Variants in CHAF1A observed in about 807,000 individuals in gnomAD.
The protein encoded by CHAF1A is chromatin assembly factor 1 subunit A, also known as CAF-1 subunit A.
In CHAF1A, 5 loss-of-function variants were observed where a neutral mutation model predicts 93.2. That is an observed-to-expected ratio of 0.05 (90% CI 0.03 to 0.11). The LOEUF is 0.11. CHAF1A is among the 10% of genes least tolerant of loss of function. CHAF1A has a pLI of 1.00. For missense variants in CHAF1A, 1,102 were observed against 1,259.9 expected (o/e 0.87, Z 1.90); for synonymous variants, 504 against 510.3 (o/e 0.99, Z 0.17).
intron 13 of CHAF1A, among the ~76,000 whole-genome samples, chr19:4,434,970 C>A (rs908629116): frequency 6.6e-6 from 1 of 152,118 alleles, no homozygotes; most frequent in African/African-American, 2.4e-5. Flanking sequence ...GCCCAGAGAG[C>A]CACTGGCCCC....
In CHAF1A at chr19:4,443,041, A is replaced by G; in HGVS notation, c.*16A>G. Reference sequence around the variant, plus strand: ...TGCATCCTGAGAGCAGGGGTGACGTATGTAGAATGCTTAGGGTGTCCTCCC... The same window carrying G: ...TGCATCCTGAGAGCAGGGGTGACGTGTGTAGAATGCTTAGGGTGTCCTCCC... On this transcript the variant is annotated 3_prime_UTR_variant, in exon 15 of 15. Transcript: ENST00000301280. The G allele has an allele frequency of 6.7e-7, 1 of 1,493,300 alleles. No homozygotes were observed. The highest frequency in any genetic ancestry group is 9.2e-7 in the Non-Finnish European group (1 of 1,086,902). 92.5% of individuals were successfully genotyped at this position (1,493,300 alleles called of 1,614,324 possible).
intron 13 of CHAF1A, among the ~76,000 whole-genome samples, chr19:4,441,823 G>A (rs56253161): frequency 0.024 from 3,628 of 152,216 alleles, 143 homozygotes; most frequent in African/African-American, 0.083. Flanking sequence ...GCGTGAATCC[G>A]GGAGGCGGAG....
intron 11 of CHAF1A, chr19:4,430,861 C>G (rs1412510337): frequency 5.1e-5 from 28 of 546,528 alleles, no homozygotes; most frequent in Non-Finnish European, 9.2e-5. Flanking sequence ...GCGAGGGGAG[C>G]CATAGGAGCA....
intron 13 of CHAF1A, among the ~76,000 whole-genome samples, chr19:4,437,942 T>C (rs376978222): frequency 2.9e-4 from 44 of 152,130 alleles, no homozygotes; most frequent in Middle Eastern, 3.4e-3. Context: ...GGGGTTTCAC[T>C]GTGTTAGCCA....
chr19:4,434,722 G>A (rs1177897761), intron 13 of CHAF1A, among the ~76,000 whole-genome samples: 1 of 151,696 alleles, frequency 6.6e-6, no homozygotes, highest in African/African-American at 2.4e-5. Context: ...TTTGTTCAAC[G>A]GTTCTTGAAT....
chr19:4,446,275 G>A (rs763660126), downstream of CHAF1A: 1 of 1,571,134 alleles, frequency 6.4e-7, no homozygotes, highest in Non-Finnish European at 8.6e-7. Flanking sequence ...GGCATCGTTG[G>A]TGCCCACCCT....
At chr19:4,429,159 C>T (rs994195523) in intron 8 of CHAF1A, 35 of 588,732 alleles carry the variant, frequency 5.9e-5, no homozygotes, top group Non-Finnish European at 9.3e-5. Flanking sequence ...CCCAACACCT[C>T]GCTCTTGCAA....
chr19:4,410,407 G>T (rs1159895599), intron 3 of CHAF1A, among the ~76,000 whole-genome samples: 1 of 134,744 alleles, frequency 7.4e-6, no homozygotes, highest in African/African-American at 2.8e-5. Flanking sequence ...TTTTTTGACA[G>T]AGTCACTCTA....
Position 4,408,424 on chromosome 19 carries a change from C to T in CHAF1A, c.104-479C>T, listed in dbSNP as rs1206735592. Reference sequence around the variant, plus strand: ...AGCCAGGATGGTCTCGATCTCCTGACCTTGTGATCCGCCTGCCTTGGCCTC... The same window carrying T: ...AGCCAGGATGGTCTCGATCTCCTGATCTTGTGATCCGCCTGCCTTGGCCTC... On this transcript the variant is annotated intron_variant, in intron 2 of 14. Coordinates refer to ENST00000301280, the MANE Select transcript of CHAF1A (RefSeq NM_005483.3). 2.8e-5 allele frequency among the ~76,000 whole-genome samples: 4 copies of T among 145,052 alleles called. No homozygotes were observed. In the Admixed American group the frequency reaches 2.8e-4, roughly 10 times the overall value.
At chr19:4,407,959 AT>A (rs1973710940) in intron 2 of CHAF1A, among the ~76,000 whole-genome samples, 1 of 152,052 alleles carries the variant, frequency 6.6e-6, no homozygotes. Context: ...AGAAAAAAAA[AT>A]AAGTAAAATT....
rs1698657685 is a variant in CHAF1A, at chr19:4,407,141, C to T, written c.103+1179C>T. 2.6e-5 allele frequency among the ~76,000 whole-genome samples: 4 copies of T among 152,064 alleles called. No individual in the cohort carries two copies. The South Asian group carries it at 8.3e-4, about 32-fold the overall frequency. ...GGCCGAGGCAAGAGAATTGTTTGAA[C>T]CCGGAAGGAAGAGGTTGCAGTGAGC... On this transcript the variant is annotated intron_variant, in intron 2 of 14. Coordinates refer to ENST00000301280, the MANE Select transcript of CHAF1A (RefSeq NM_005483.3).
At chr19:4,450,473 G>C in the CHAF1A span, 1 of 151,556 alleles carries the variant, frequency 6.6e-6, no homozygotes, top group Admixed American at 6.6e-5. Flanking sequence ...TATGTAAAGA[G>C]TGCTGCCGGG....
chr19:4,450,383 C>T, the CHAF1A span: 1 of 152,130 alleles, frequency 6.6e-6, no homozygotes, highest in Non-Finnish European at 1.5e-5. Flanking sequence ...AGCAAAGTGA[C>T]CATAAGCAGA....
chr19:4,420,667 C>T (rs193173671), intron 4 of CHAF1A, among the ~76,000 whole-genome samples: 269 of 152,258 alleles, frequency 1.8e-3, no homozygotes, highest in African/African-American at 6.3e-3. Context: ...CAAGGCTGGG[C>T]GTAGTGGCTC....
chr19:4,427,100 A>AG (rs1321881831), intron 7 of CHAF1A, among the ~76,000 whole-genome samples: 2 of 143,000 alleles, frequency 1.4e-5, no homozygotes, highest in Non-Finnish European at 3.0e-5. Context: ...CAGAAAAAAA[A>AG]AAGAGGAGTT....
At chr19:4,437,941 CT>C (rs990741406) in intron 13 of CHAF1A, among the ~76,000 whole-genome samples, 2 of 152,056 alleles carry the variant, frequency 1.3e-5, no homozygotes, top group African/African-American at 4.8e-5. Flanking sequence ...CGGGGTTTCA[CT>C]GTGTTAGCCA....
At position 4,429,390 on chromosome 19, in the gene CHAF1A, C is replaced by T. The variant is rs1167668767; in HGVS notation, c.1605-48C>T. 6.9e-6 allele frequency: 11 copies of T among 1,585,478 alleles called. No homozygotes were observed. The South Asian group carries it at 9.0e-5, about 13-fold the overall frequency. On this transcript the variant is annotated intron_variant, in intron 8 of 14. Coordinates refer to ENST00000301280, the MANE Select transcript of CHAF1A (RefSeq NM_005483.3). ...GGGAGGTTCCTGGGAGGTTTGTGAG[C>T]AGGTCTGTAAGGCAGCGTGATCCTG...
intron 3 of CHAF1A, among the ~76,000 whole-genome samples, chr19:4,414,759 CCTT>C (rs1272890721): frequency 1.3e-5 from 2 of 152,134 alleles, no homozygotes; most frequent in African/African-American, 4.8e-5. Flanking sequence ...CCTTGAGCTT[CCTT>C]CTACAAGTGG....
chr19:4,446,399 T>C, downstream of CHAF1A: 1 of 1,578,822 alleles, frequency 6.3e-7, no homozygotes, highest in Non-Finnish European at 8.6e-7. Context: ...GCTCAGCCGC[T>C]CCACCGCCTC....
Sources: gnomAD v4.1 joint callset for allele counts (sites outside exome capture counted in the v4.1 genomes callset) on GRCh38, gnomAD v4.1.1 for gene constraint, MANE v1.5 for transcripts, NCBI Gene and HGNC (gene_info 2026-07-23, HGNC 2026-07-21) for gene names.